The following MAP3K7CL variants were observed in gnomAD, a reference collection of about 807,000 sequenced individuals.
MAP3K7CL encodes MAP3K7 C-terminal-like protein.
In MAP3K7CL, 16 loss-of-function variants were observed where a neutral mutation model predicts 18.6. The ratio of observed to expected loss-of-function variants is 0.86; its 90% CI spans 0.58 to 1.31. The LOEUF (loss-of-function observed/expected upper bound fraction) is 1.31. Among genes scored for constraint, MAP3K7CL ranks in the 50% most tolerant of loss-of-function variants. The pLI, the probability that MAP3K7CL is intolerant of heterozygous loss-of-function variation, is 0.00. For missense variants in MAP3K7CL, 163 were observed against 174.4 expected (o/e 0.93, Z 0.37); for synonymous variants, 65 against 66.8 (o/e 0.97, Z 0.13).
intron 3 of MAP3K7CL, chr21:29,092,388 C>G (rs371221108): frequency 1.1e-5 from 17 of 1,605,722 alleles, no homozygotes; most frequent in Non-Finnish European, 1.4e-5. Flanking sequence ...AAGGTCTGTG[C>G]GGGGTCATTT....
intron 2 of MAP3K7CL, among the ~76,000 whole-genome samples, chr21:29,141,645 T>C (rs1308052988): frequency 6.6e-6 from 1 of 152,220 alleles, no homozygotes; most frequent in African/African-American, 2.4e-5. Flanking sequence ...GATAACATCA[T>C]GTTTATTAAT....
At chr21:29,094,479 C>T (rs1432252554) in intron 4 of MAP3K7CL, among the ~76,000 whole-genome samples, 1 of 152,230 alleles carries the variant, frequency 6.6e-6, no homozygotes, top group Non-Finnish European at 1.5e-5. Flanking sequence ...CTGGTCCAGA[C>T]ATTGCTCTTT....
At chr21:29,152,248 T>A (rs772547615) in intron 3 of MAP3K7CL, among the ~76,000 whole-genome samples, 2 of 152,210 alleles carry the variant, frequency 1.3e-5, no homozygotes, top group Admixed American at 6.5e-5. Flanking sequence ...GGAGGAGAAA[T>A]CTAATAGAAG....
intron 3 of MAP3K7CL, among the ~76,000 whole-genome samples, chr21:29,159,300 C>T (rs1399234868): frequency 6.6e-6 from 1 of 152,102 alleles, no homozygotes; most frequent in Non-Finnish European, 1.5e-5. Context: ...AAAGGCTTGC[C>T]ACGCTGGCCT....
chr21:29,108,900 C>T (rs528454888), intron 4 of MAP3K7CL: 2 of 725,844 alleles, frequency 2.8e-6, no homozygotes, highest in East Asian at 2.9e-5. Flanking sequence ...GTTCAGTCAG[C>T]TCCAATGGTG....
intron 4 of MAP3K7CL, among the ~76,000 whole-genome samples, chr21:29,113,056 A>G (rs917924217): frequency 6.6e-6 from 1 of 152,094 alleles, no homozygotes; most frequent in Non-Finnish European, 1.5e-5. Flanking sequence ...TGGCCTCCCA[A>G]AGTGCTGGGA....
chr21:29,085,863 G>C, exon 1 of MAP3K7CL: 1 of 1,614,120 alleles, frequency 6.2e-7, no homozygotes. Flanking sequence ...GCGACTAGAT[G>C]GTTCAGCTGA....
intron 1 of MAP3K7CL, chr21:29,077,824 A>T (rs1026514346): frequency 1.3e-5 from 2 of 152,302 alleles, no homozygotes; most frequent in Non-Finnish European, 2.9e-5. Flanking sequence ...AGGAGACTGT[A>T]GGTTTCTGTT....
At chr21:29,081,497 G>A (rs942686051), upstream of MAP3K7CL, among the ~76,000 whole-genome samples, 1 of 152,228 alleles carries the variant, frequency 6.6e-6, no homozygotes, top group Non-Finnish European at 1.5e-5. Flanking sequence ...AGTTGGCAGT[G>A]AGCCGAGATC....
intron 3 of MAP3K7CL, among the ~76,000 whole-genome samples, chr21:29,153,000 A>G (rs937159728): frequency 2.0e-5 from 3 of 152,230 alleles, no homozygotes; most frequent in African/African-American, 7.2e-5. Context: ...CTGCTATAAA[A>G]TAGCTATTTG....
intron 4 of MAP3K7CL, among the ~76,000 whole-genome samples, chr21:29,104,752 G>A (rs1419855669): frequency 2.0e-5 from 3 of 152,184 alleles, no homozygotes; most frequent in Non-Finnish European, 4.4e-5. Flanking sequence ...CCAAAAGTGC[G>A]CTTGCTATGA....
At chr21:29,113,238 C>T (rs1278622115) in intron 4 of MAP3K7CL, among the ~76,000 whole-genome samples, 6 of 152,068 alleles carry the variant, frequency 3.9e-5, no homozygotes, top group African/African-American at 7.2e-5. Context: ...TAATTTCCAT[C>T]GTGTATATTT....
chr21:29,174,148 T>G (rs946125884), intron 4 of MAP3K7CL, among the ~76,000 whole-genome samples: 1 of 152,220 alleles, frequency 6.6e-6, no homozygotes, highest in African/African-American at 2.4e-5. Context: ...GCATCAAATG[T>G]GGACACAGTT....
Position 29,169,382 on chromosome 21 carries a change from C to T in MAP3K7CL, c.249-5330C>T, listed in dbSNP as rs1406230215. Among the ~76,000 whole-genome samples the T allele has an allele frequency of 2.0e-5, 3 of 152,174 alleles. No homozygotes were observed. In the East Asian group the frequency reaches 5.8e-4, roughly 29 times the overall value. On this transcript the variant is annotated intron_variant, in intron 4 of 4. Coordinates refer to ENST00000399928, the MANE Select transcript of MAP3K7CL (RefSeq NM_001286620.2). Reference sequence around the variant, plus strand: ...TCAGTATCATTTATTATTCCTCCACCTGGATAAAATGAAGGTAGACTTTGA... The same window carrying T: ...TCAGTATCATTTATTATTCCTCCACTTGGATAAAATGAAGGTAGACTTTGA...
chr21:29,131,736 A>G (rs1053170692), intron 1 of MAP3K7CL, among the ~76,000 whole-genome samples: 2 of 152,198 alleles, frequency 1.3e-5, no homozygotes, highest in African/African-American at 2.4e-5. Context: ...CCAAAGCTAT[A>G]CTAGGGTTTT....
chr21:29,110,168 C>T (rs1026277533), intron 4 of MAP3K7CL, among the ~76,000 whole-genome samples: 11 of 152,146 alleles, frequency 7.2e-5, no homozygotes, highest in Admixed American at 6.5e-5. Context: ...TTTCTTTAAA[C>T]ACAAAATTAA....
At chr21:29,134,035 G>A (rs2086832325) in intron 2 of MAP3K7CL, among the ~76,000 whole-genome samples, 4 of 152,342 alleles carry the variant, frequency 2.6e-5, no homozygotes, top group Non-Finnish European at 5.9e-5. Context: ...AAGACCTCAT[G>A]TGGCGGGAGG....
intron 4 of MAP3K7CL, among the ~76,000 whole-genome samples, chr21:29,112,643 C>G (rs1226140931): frequency 2.0e-5 from 3 of 151,250 alleles, no homozygotes; most frequent in Non-Finnish European, 4.4e-5. Flanking sequence ...TTTTTTCATT[C>G]TGTGTTCCCT....
intron 4 of MAP3K7CL, among the ~76,000 whole-genome samples, chr21:29,104,438 G>A (rs914846381): frequency 2.0e-5 from 3 of 152,156 alleles, no homozygotes; most frequent in Admixed American, 6.5e-5. Context: ...GCCTGTAGTA[G>A]TTGTTTCATT....
Sources: gnomAD v4.1 joint callset for allele counts (sites outside exome capture counted in the v4.1 genomes callset) on GRCh38, gnomAD v4.1.1 for gene constraint, MANE v1.5 for transcripts, NCBI Gene and HGNC (gene_info 2026-07-23, HGNC 2026-07-21) for gene names.